The following LOC400499 variants were observed in gnomAD, a reference collection of about 807,000 sequenced individuals.
chr16:11,451,536 G>A, the LOC400499 span, among the ~76,000 whole-genome samples: 6 of 150,036 alleles, frequency 4.0e-5, no homozygotes, highest in Non-Finnish European at 5.9e-5. Context: ...GGGCAACAGA[G>A]GGAGACCCTG....
At chr16:11,447,841 TAGC>T in the LOC400499 span, 4 of 1,421,166 alleles carry the variant, frequency 2.8e-6, no homozygotes, top group Admixed American at 1.1e-4. Context: ...ATTCTCCAGG[TAGC>T]TCTGCCCATC....
the LOC400499 span, chr16:11,393,566 G>C: frequency 2.3e-5 from 28 of 1,232,232 alleles, no homozygotes; most frequent in African/African-American, 9.3e-5. Context: ...GAAGCTGGGA[G>C]GGGGAAGGCA....
the LOC400499 span, chr16:11,516,189 G>A: frequency 2.5e-6 from 1 of 399,792 alleles, no homozygotes; most frequent in Non-Finnish European, 4.4e-6. Context: ...CCCTGCAGGA[G>A]GCTCAGCACA....
At chr16:11,424,154 C>A in the LOC400499 span, 110 of 399,412 alleles carry the variant, frequency 2.8e-4, no homozygotes, top group African/African-American at 2.2e-3. Flanking sequence ...GGCCCCAGTG[C>A]TTGAGGCTGG....
At chr16:11,503,006 C>T in the LOC400499 span, among the ~76,000 whole-genome samples, 1 of 150,196 alleles carries the variant, frequency 6.7e-6, no homozygotes, top group African/African-American at 2.5e-5. Context: ...ACTGCAGCCT[C>T]AACCTCCTGG....
At chr16:11,415,570 T>C in the LOC400499 span, among the ~76,000 whole-genome samples, 2 of 152,288 alleles carry the variant, frequency 1.3e-5, no homozygotes, top group East Asian at 3.9e-4. Flanking sequence ...TCGTTCAACA[T>C]TCAGCCACAT....
At chr16:11,461,143 A>G in the LOC400499 span, 1 of 1,524,160 alleles carries the variant, frequency 6.6e-7, no homozygotes. Flanking sequence ...GAGCAGGCAG[A>G]TGAGAGGGTC....
At chr16:11,471,361 G>A in the LOC400499 span, 1 of 276,766 alleles carries the variant, frequency 3.6e-6, no homozygotes, top group Non-Finnish European at 6.7e-6. Flanking sequence ...AAGAAATGTG[G>A]TTGTCTTACG....
the LOC400499 span, among the ~76,000 whole-genome samples, chr16:11,468,658 C>T: frequency 6.6e-6 from 1 of 151,468 alleles, no homozygotes; most frequent in African/African-American, 2.4e-5. Context: ...GACAGAGTCT[C>T]GCTCTGTCGC....
chr16:11,513,897 G>C, the LOC400499 span, among the ~76,000 whole-genome samples: 1 of 152,154 alleles, frequency 6.6e-6, no homozygotes, highest in South Asian at 2.1e-4. Flanking sequence ...TATTCAGGAA[G>C]ACAACTGGTT....
At chr16:11,374,501 C>G in the LOC400499 span, among the ~76,000 whole-genome samples, 1 of 152,236 alleles carries the variant, frequency 6.6e-6, no homozygotes, top group Non-Finnish European at 1.5e-5. Context: ...TCTCTCCCAG[C>G]TCCCGGCAGC....
At chr16:11,505,727 G>A in the LOC400499 span, among the ~76,000 whole-genome samples, 1 of 151,950 alleles carries the variant, frequency 6.6e-6, no homozygotes, top group Non-Finnish European at 1.5e-5. Flanking sequence ...GTGTTTACAG[G>A]TGTGAGCCAC....
At chr16:11,513,874 A>T in the LOC400499 span, among the ~76,000 whole-genome samples, 1 of 152,176 alleles carries the variant, frequency 6.6e-6, no homozygotes, top group Non-Finnish European at 1.5e-5. Flanking sequence ...AAGAATAACC[A>T]TTCTTATTTC....
At chr16:11,449,018 G>A in the LOC400499 span, 4 of 1,523,250 alleles carry the variant, frequency 2.6e-6, no homozygotes, top group Non-Finnish European at 8.8e-7. Flanking sequence ...TCTCAGCATG[G>A]ATCTCGCCCT....
the LOC400499 span, among the ~76,000 whole-genome samples, chr16:11,514,735 A>G: frequency 6.6e-6 from 1 of 152,192 alleles, no homozygotes; most frequent in Admixed American, 6.5e-5. Flanking sequence ...GGATTGTGGC[A>G]ACATCAGCCC....
the LOC400499 span, chr16:11,387,343 T>C: frequency 4.9e-6 from 6 of 1,224,386 alleles, no homozygotes; most frequent in Non-Finnish European, 6.1e-6. Context: ...CGAGCCTTGC[T>C]TCCCTTGGCT....
chr16:11,496,921 T>TGCGCGCGCGCGCGC, the LOC400499 span, among the ~76,000 whole-genome samples: 9 of 149,144 alleles, frequency 6.0e-5, no homozygotes, highest in African/African-American at 2.1e-4. Context: ...TGTGTGTGTG[T>TGCGCGCGCGCGCGC]GTGTGTGTGT....
chr16:11,385,459 C>T, the LOC400499 span: 1 of 1,205,550 alleles, frequency 8.3e-7, no homozygotes. Context: ...GGGGCCAGCT[C>T]CACCCACCGC....
At chr16:11,461,470 G>C in the LOC400499 span, among the ~76,000 whole-genome samples, 114,298 of 152,150 alleles carry the variant, frequency 0.75, 43,520 homozygotes, top group Admixed American at 0.8. Context: ...ATCCTCCTGC[G>C]TTAGCTTCCC....
Sources: allele counts gnomAD v4.1 joint callset (sites outside exome capture counted in the v4.1 genomes callset), GRCh38; gene constraint gnomAD v4.1.1; transcripts MANE v1.5.